The following SLC25A3 variants were observed in gnomAD, a reference collection of about 807,000 sequenced individuals.
SLC25A3 encodes the protein solute carrier family 25 member 3.
A neutral mutation model predicts 37.1 loss-of-function variants in SLC25A3; 14 were observed. That is an observed-to-expected ratio of 0.38 (90% confidence interval 0.25 to 0.59). The LOEUF (loss-of-function observed/expected upper bound fraction) is 0.59. Ranked by LOEUF, SLC25A3 falls within the 20% of genes least tolerant of loss-of-function variation. SLC25A3 has a pLI of 0.67. For synonymous variants in SLC25A3, 161 were observed against 168.7 expected (o/e 0.95, Z 0.36); for missense variants, 385 against 458.1 (o/e 0.84, Z 1.46).
At position 98,604,260 on chromosome 12, in the gene SLC25A3, A is replaced by AT. The variant is rs2097599978; in HGVS notation, c.*2732_*2733insT. 2 of 116,940 alleles carry AT rather than the reference A, an allele frequency of 1.7e-5. No individual in the cohort carries two copies. Among genetic ancestry groups the AT allele is most frequent in the African/African-American group, 6.3e-5 (2 of 31,942 alleles). 7.2% of individuals were successfully genotyped at this position (116,940 alleles called of 1,614,324 possible). ...ACAGCGAAACTCTGTCTCAAAAAAA[A>AT]AAAATATATATATATATATATATAT... On this transcript the variant is annotated 3_prime_UTR_variant, in exon 8 of 8. Transcript: ENST00000552981.
In SLC25A3 at chr12:98,605,558, C is replaced by T. The variant is rs1342338789; in HGVS notation, c.*4030C>T. The T allele has an allele frequency of 6.6e-6, 1 of 152,202 alleles. No individual in the cohort carries two copies. The highest frequency in any genetic ancestry group is 1.9e-4 in the East Asian group (1 of 5,196). 9.4% of individuals were successfully genotyped at this position (152,202 alleles called of 1,614,324 possible). A position where few individuals can be genotyped will look rare whatever the true frequency, so the allele number is the denominator to read the frequency against. Reference sequence around the variant, plus strand: ...TCAGGCCAGGTGCAAAAGCTCACTCCTGAAATCCAAGCACTTTGGGAGGCT... The same window carrying T: ...TCAGGCCAGGTGCAAAAGCTCACTCTTGAAATCCAAGCACTTTGGGAGGCT... On this transcript the variant is annotated 3_prime_UTR_variant, in exon 8 of 8. Coordinates refer to ENST00000552981, the MANE Select transcript of SLC25A3 (RefSeq NM_002635.4).
chr12:98,598,118 T>C, intron 4 of SLC25A3, 83 bp downstream of exon 4: 2 of 1,387,162 alleles, frequency 1.4e-6, no homozygotes, highest in South Asian at 1.2e-5. Context: ...TCTTGCCTTA[T>C]TTTAGCACTG....
chr12:98,596,382 T>G (rs1257323049), intron 3 of SLC25A3, among the ~76,000 whole-genome samples: 3 of 152,222 alleles, frequency 2.0e-5, no homozygotes, highest in Non-Finnish European at 4.4e-5. Flanking sequence ...GAAAATTTAT[T>G]TGTTCCAAAC....
chr12:98,598,820 G>C, intron 5 of SLC25A3, 117 bp downstream of exon 5: 1 of 972,696 alleles, frequency 1.0e-6, no homozygotes, highest in Non-Finnish European at 1.5e-6. Context: ...CTGTCACCCA[G>C]GCTGGAGTGC....
At chr12:98,598,819 A>C (rs542182327) in intron 5 of SLC25A3, 116 bp downstream of exon 5, 108 of 972,708 alleles carry the variant, frequency 1.1e-4, no homozygotes, top group Middle Eastern at 6.6e-4. Flanking sequence ...TCTGTCACCC[A>C]GGCTGGAGTG....
chr12:98,598,254 G>T (rs2097594684), intron 4 of SLC25A3: 2 of 682,882 alleles, frequency 2.9e-6, no homozygotes, highest in South Asian at 3.9e-5. Context: ...TGTTTTCTAA[G>T]TAAGTTGGAT....
chr12:98,595,733 G>A lies in SLC25A3; in HGVS notation c.164G>A (p.Ser55Asn). Residue 55 changes from serine (S) to asparagine (N), a missense_variant, in exon 3 of 8, where the codon AGT (serine) becomes AAT (asparagine). By Grantham distance (46) the Ser-to-Asn change is conservative. Around this residue, in one of 2 missense-constraint regions of SLC25A3, gnomAD observed 109 missense variants for 90.5 expected, o/e 1.20. Coordinates refer to ENST00000552981, the MANE Select transcript of SLC25A3 (RefSeq NM_002635.4). ...NLAAAAVEEYSCEFGSAKYYA... is the reference protein window; with the variant it reads ...NLAAAAVEEYNCEFGSAKYYA... ...GTGTCTTCTCTTACTACAGAGTACAGTTGTGAATTTGGCTCCGCGAAGTAT... is the reference window on the plus strand; with the variant it reads ...GTGTCTTCTCTTACTACAGAGTACAATTGTGAATTTGGCTCCGCGAAGTAT... 1.2e-6 allele frequency: 2 copies of A among 1,614,170 alleles called. No homozygotes were observed. The highest frequency in any genetic ancestry group is 1.7e-6 in the Non-Finnish European group (2 of 1,179,996).
chr12:98,594,034 T>C lies in SLC25A3; in HGVS notation c.56T>C (p.Leu19Pro). 3 of 1,613,630 alleles carry C rather than the reference T, an allele frequency of 1.9e-6. No individual in the cohort carries two copies. Among genetic ancestry groups the C allele is most frequent in the Non-Finnish European group, 2.5e-6 (3 of 1,179,884 alleles). The change falls in exon 2 of 8, where the codon CTG becomes CCG. Residue 19 changes from leucine to proline, a missense_variant. By Grantham distance (98) the Leu-to-Pro change is moderately conservative. Transcript: ENST00000552981. Reference sequence around the variant, plus strand: ...GCGAACCCCTTCAACACGCCACATCTGCAGCTGGTGCACGATGGTCTCGGG... The same window carrying C: ...GCGAACCCCTTCAACACGCCACATCCGCAGCTGGTGCACGATGGTCTCGGG... ...ARANPFNTPH[L>P]QLVHDGLGDL...
rs1403696986 is a variant in SLC25A3 at position 98,597,848 on chromosome 12, A to G, written c.280-8A>G. The stretch of plus-strand genomic sequence containing the variant: ...CATTTAATTTTTTTTTTCTTGTTTT[A>G]AATAAAGGTGGACCCCCAAAAGTAC... On this transcript the variant is annotated splice_polypyrimidine_tract_variant and splice_region_variant and intron_variant, in intron 3 of 7. Coordinates refer to ENST00000552981, the MANE Select transcript of SLC25A3 (RefSeq NM_002635.4). 6.2e-7 allele frequency: 1 copy of G among 1,610,784 alleles called. No homozygotes were observed. The highest frequency in any genetic ancestry group is 1.1e-5 in the South Asian group (1 of 90,752).
chr12:98,596,923 G>A (rs1170154180), intron 3 of SLC25A3, among the ~76,000 whole-genome samples: 1 of 152,128 alleles, frequency 6.6e-6, no homozygotes, highest in Admixed American at 6.5e-5. Context: ...GGAGGCTGAG[G>A]CAGGAGAATC....
rs2097598785 is a variant in SLC25A3 at position 98,602,620 on chromosome 12, C to T, written c.*1092C>T. On this transcript the variant is annotated 3_prime_UTR_variant, in exon 8 of 8. Coordinates refer to ENST00000552981, the MANE Select transcript of SLC25A3 (RefSeq NM_002635.4). Reference sequence around the variant, plus strand: ...GGTTTAAGCCCATTTTTAAAGAGCTCCTAGAAAGTGAATTAGTTTTTGTGT... The same window carrying T: ...GGTTTAAGCCCATTTTTAAAGAGCTTCTAGAAAGTGAATTAGTTTTTGTGT... 6.6e-6 allele frequency: 1 copy of T among 151,882 alleles called. No homozygotes were observed. 9.4% of individuals were successfully genotyped at this position (151,882 alleles called of 1,614,324 possible).
At position 98,599,979 on chromosome 12, in the gene SLC25A3, C is replaced by G. The variant is rs771170406; in HGVS notation, c.666C>G (p.Leu222=). The G allele has an allele frequency of 6.2e-7, 1 of 1,613,918 alleles. No homozygotes were observed. Among genetic ancestry groups the G allele is most frequent in the Middle Eastern group, 1.6e-4 (1 of 6,062 alleles). Residue 222 remains leucine (L), a synonymous_variant, in exon 6 of 8, where the codon CTC becomes CTG. Transcript: ENST00000552981. ...LKAFYKGVAP[L]WMRQIPYTMM... ...GATTCTACAAGGGGGTTGCTCCTCTCTGGATGAGACAGATACCATACACCA... is the reference window on the plus strand; with the variant it reads ...GATTCTACAAGGGGGTTGCTCCTCTGTGGATGAGACAGATACCATACACCA...
Position 98,604,379 on chromosome 12 carries a change from C to T in SLC25A3, c.*2851C>T, listed in dbSNP as rs2097600108. 1.3e-5 allele frequency: 2 copies of T among 151,254 alleles called. No homozygotes were observed. The highest frequency in any genetic ancestry group is 4.2e-4 in the South Asian group (2 of 4,810). The allele number at this position is 151,254 out of a possible 1,614,324, so 9.4% of individuals were successfully genotyped here. ...TCAAATATTTTGAGAGTGGTTAAAA[C>T]GCCAAGGAATCCTGATTTTATGAAA... On this transcript the variant is annotated 3_prime_UTR_variant, in exon 8 of 8. Coordinates refer to ENST00000552981, the MANE Select transcript of SLC25A3 (RefSeq NM_002635.4).
Position 98,603,812 on chromosome 12 carries a change from G to A in SLC25A3, c.*2284G>A, listed in dbSNP as rs2097599607. 6.6e-6 allele frequency: 1 copy of A among 152,178 alleles called. No homozygotes were observed. The highest frequency in any genetic ancestry group is 6.5e-5 in the Admixed American group (1 of 15,268). 9.4% of individuals were successfully genotyped at this position (152,178 alleles called of 1,614,324 possible). ...TCAAAACCCAAGAGGCCCACTTAAA[G>A]TGATGCGAATTCTCATTTCAGGTTT... On this transcript the variant is annotated 3_prime_UTR_variant, in exon 8 of 8. Transcript: ENST00000552981.
At chr12:98,596,647 C>A (rs1352658395) in intron 3 of SLC25A3, among the ~76,000 whole-genome samples, 1 of 151,632 alleles carries the variant, frequency 6.6e-6, no homozygotes, top group Admixed American at 6.6e-5. Flanking sequence ...AAACTTTATG[C>A]TATAAGCTAC....
At position 98,603,933 on chromosome 12, in the gene SLC25A3, C is replaced by A. The variant is rs111250266; in HGVS notation, c.*2405C>A. On this transcript the variant is annotated 3_prime_UTR_variant, in exon 8 of 8. Coordinates refer to ENST00000552981, the MANE Select transcript of SLC25A3 (RefSeq NM_002635.4). Reference sequence around the variant, plus strand: ...TTTAATGAAATGTCTACTGTCAATACGATAAAGCAGAACCCAGTGGAGTAA... The same window carrying A: ...TTTAATGAAATGTCTACTGTCAATAAGATAAAGCAGAACCCAGTGGAGTAA... 2 of 151,942 alleles carry A rather than the reference C, an allele frequency of 1.3e-5. No homozygotes were observed. The highest frequency in any genetic ancestry group is 2.9e-5 in the Non-Finnish European group (2 of 67,996). The allele number at this position is 151,942 out of a possible 1,614,324, so 9.4% of individuals were successfully genotyped here. A position where few individuals can be genotyped will look rare whatever the true frequency, so the allele number is the denominator to read the frequency against.
intron 5 of SLC25A3, 110 bp from the exon 6 acceptor site, chr12:98,599,845 C>T (rs1465905580): frequency 1.8e-6 from 2 of 1,097,868 alleles, no homozygotes; most frequent in South Asian, 1.2e-5. Flanking sequence ...TTTATGCTGC[C>T]ATTTGTTACT....
At position 98,599,313 on chromosome 12, in the gene SLC25A3, A is replaced by C. The variant is rs547027892; in HGVS notation, c.641+610A>C. Among the ~76,000 whole-genome samples, 8 of 152,300 alleles carry C rather than the reference A, an allele frequency of 5.3e-5. No individual in the cohort carries two copies. In the South Asian group the frequency reaches 1.5e-3, roughly 28 times the overall value. On this transcript the variant is annotated intron_variant, in intron 5 of 7. Coordinates refer to ENST00000552981, the MANE Select transcript of SLC25A3 (RefSeq NM_002635.4). ...GGTGATCCACCCGCCTCGGCCTCCC[A>C]AAGTGCTGGGATTACAGGCGTGAGA...
At chr12:98,599,329 A>G (rs904241154) in intron 5 of SLC25A3, among the ~76,000 whole-genome samples, 4 of 152,206 alleles carry the variant, frequency 2.6e-5, no homozygotes, top group African/African-American at 9.6e-5. Context: ...CTGGGATTAC[A>G]GGCGTGAGAC....
Sources: gnomAD v4.1 joint callset for allele counts (sites outside exome capture counted in the v4.1 genomes callset) on GRCh38, gnomAD v4.1.1 for gene constraint, gnomAD v4.1.1 regional missense constraint, MANE v1.5 for transcripts, NCBI Gene and HGNC (gene_info 2026-07-23, HGNC 2026-07-21) for gene names.